ATP2C1: variants seen among roughly 807,000 people sequenced by gnomAD.
The protein encoded by ATP2C1 is calcium-transporting ATPase type 2C member 1.
In ATP2C1, 31 loss-of-function variants were observed where a neutral mutation model predicts 120.5. The observed-to-expected ratio is 0.26, with a 90% CI of 0.19 to 0.35. ATP2C1 has a LOEUF of 0.35. Ranked by LOEUF, ATP2C1 falls within the 10% of genes least tolerant of loss-of-function variation. ATP2C1 has a pLI of 1.00. For missense variants in ATP2C1, 731 were observed against 1,107.5 expected (o/e 0.66, Z 4.83); for synonymous variants, 351 against 358.7 (o/e 0.98, Z 0.24).
At chr3:130,889,270 T>G (rs1204374719), upstream of ATP2C1, among the ~76,000 whole-genome samples, 1 of 152,214 alleles carries the variant, frequency 6.6e-6, no homozygotes, top group Non-Finnish European at 1.5e-5. Context: ...GCAAACTCAA[T>G]ACAGTGGCCC....
chr3:130,948,639 T>G (rs910364322), intron 8 of ATP2C1, among the ~76,000 whole-genome samples: 1 of 152,194 alleles, frequency 6.6e-6, no homozygotes, highest in Non-Finnish European at 1.5e-5. Flanking sequence ...TGTCGCCTTC[T>G]CTTTTTTCCT....
intron 1 of ATP2C1, among the ~76,000 whole-genome samples, chr3:130,874,478 C>G (rs528740679): frequency 6.6e-6 from 1 of 152,276 alleles, no homozygotes; most frequent in South Asian, 2.1e-4. Flanking sequence ...GTATTATACT[C>G]TTCACTTTTA....
At chr3:130,956,509 C>T (rs1576874401) in intron 11 of ATP2C1, among the ~76,000 whole-genome samples, 2 of 151,824 alleles carry the variant, frequency 1.3e-5, no homozygotes, top group Non-Finnish European at 2.9e-5. Flanking sequence ...AATTGATGGT[C>T]ACATAAAACA....
intron 17 of ATP2C1, among the ~76,000 whole-genome samples, chr3:130,969,981 A>G (rs2061224910): frequency 1.3e-5 from 2 of 152,188 alleles, no homozygotes; most frequent in South Asian, 4.1e-4. Context: ...TATCACTCAT[A>G]GTTGCTATTA....
intron 1 of ATP2C1, among the ~76,000 whole-genome samples, chr3:130,884,524 GGT>G (rs1049217927): frequency 8.1e-4 from 124 of 152,178 alleles, no homozygotes; most frequent in African/African-American, 2.9e-3. Context: ...AGGTCCACTT[GGT>G]CTACAGTGCA....
intron 22 of ATP2C1, among the ~76,000 whole-genome samples, chr3:130,995,637 T>TTTTA (rs199694663): frequency 0.058 from 8,869 of 152,140 alleles, 821 homozygotes; most frequent in African/African-American, 0.2. Context: ...TGGAATTTTA[T>TTTTA]TTTATTTATT....
chr3:130,850,753 C>A, exon 1 of ATP2C1: 2 of 726,210 alleles, frequency 2.8e-6, no homozygotes, highest in Non-Finnish European at 4.2e-6. Flanking sequence ...TGAGGAATTG[C>A]TAAGTTTCTA....
chr3:130,918,806 A>G, intron 2 of ATP2C1: 1 of 352,660 alleles, frequency 2.8e-6, no homozygotes, highest in South Asian at 2.4e-5. Flanking sequence ...CCTGGCTAAC[A>G]TGGTGAAACC....
chr3:130,885,134 A>G (rs1576590269), intron 1 of ATP2C1, among the ~76,000 whole-genome samples: 1 of 151,790 alleles, frequency 6.6e-6, no homozygotes, highest in South Asian at 2.1e-4. Flanking sequence ...GGGTTTCACC[A>G]TGTTGGCCAG....
At chr3:130,979,184 C>T in intron 18 of ATP2C1, 65 bp from the exon 19 acceptor site, 1 of 1,512,214 alleles carries the variant, frequency 6.6e-7, no homozygotes, top group Non-Finnish European at 9.2e-7. Flanking sequence ...TTTCTATCAA[C>T]TAAATTCTGA....
At chr3:130,975,860 A>G (rs2061511591) in intron 18 of ATP2C1, among the ~76,000 whole-genome samples, 1 of 152,218 alleles carries the variant, frequency 6.6e-6, no homozygotes, top group South Asian at 2.1e-4. Context: ...TGAAGCCTCT[A>G]ATATATCCTT....
intron 2 of ATP2C1, among the ~76,000 whole-genome samples, chr3:130,899,060 C>T (rs1206577119): frequency 6.6e-6 from 1 of 152,000 alleles, no homozygotes; most frequent in Non-Finnish European, 1.5e-5. Flanking sequence ...TGGTAAAAGG[C>T]AGTAAAGGGT....
intron 2 of ATP2C1, chr3:130,927,653 C>T (rs2059275165): frequency 6.6e-6 from 1 of 152,296 alleles, no homozygotes; most frequent in Non-Finnish European, 1.5e-5. Context: ...TTGATTAGGC[C>T]TGCCTAGGAA....
intron 2 of ATP2C1, among the ~76,000 whole-genome samples, chr3:130,901,832 C>T (rs2057839937): frequency 6.6e-6 from 1 of 152,070 alleles, no homozygotes. Flanking sequence ...CTTCTTCCTT[C>T]TAAGTGGTTC....
At chr3:130,882,178 A>C (rs2068805088) in intron 1 of ATP2C1, among the ~76,000 whole-genome samples, 1 of 151,558 alleles carries the variant, frequency 6.6e-6, no homozygotes, top group Non-Finnish European at 1.5e-5. Flanking sequence ...GGGTAATACT[A>C]GCTGTGTGTC....
rs766246591 is a variant in ATP2C1 at position 130,953,890 on chromosome 3, C to T, written c.601C>T (p.Pro201Ser). The change falls in exon 9 of 28, where the codon CCT becomes TCT. Residue 201 changes from proline to serine, a missense_variant. Coordinates refer to ENST00000510168, the MANE Select transcript of ATP2C1 (RefSeq NM_001378687.1). The stretch of plus-strand genomic sequence containing the variant: ...AACGCCTTGTTCTAAGGTGACAGCT[C>T]CTCAGCCAGCTGCAACTAATGGAGA... ...ETTPCSKVTAPQPAATNGDLA... is the reference protein window; with the variant it reads ...ETTPCSKVTASQPAATNGDLA... 6.2e-7 allele frequency: 1 copy of T among 1,613,984 alleles called. No individual in the cohort carries two copies. Among genetic ancestry groups the T allele is most frequent in the South Asian group, 1.1e-5 (1 of 91,082 alleles).
intron 8 of ATP2C1, among the ~76,000 whole-genome samples, chr3:130,947,702 CTGT>C (rs2108503365): frequency 6.6e-6 from 1 of 152,234 alleles, no homozygotes; most frequent in South Asian, 2.1e-4. Context: ...GAAAGGACTT[CTGT>C]TGTTACTTGT....
At chr3:131,009,573 T>C (rs769937587) in intron 26 of ATP2C1, among the ~76,000 whole-genome samples, 28 of 152,218 alleles carry the variant, frequency 1.8e-4, no homozygotes, top group Non-Finnish European at 3.4e-4. Flanking sequence ...CAGACTGTTA[T>C]ATGGCCTGGT....
At chr3:130,918,333 G>A (rs141791901) in intron 2 of ATP2C1, 19 of 1,561,200 alleles carry the variant, frequency 1.2e-5, no homozygotes, top group Non-Finnish European at 1.7e-5. Context: ...GTCAGGAGTT[G>A]TTGATTCAAG....
Sources: gnomAD v4.1 joint callset for allele counts (sites outside exome capture counted in the v4.1 genomes callset) on GRCh38, gnomAD v4.1.1 for gene constraint, MANE v1.5 for transcripts, NCBI Gene and HGNC (gene_info 2026-07-23, HGNC 2026-07-21) for gene names.